Variants in CEP85L observed in about 807,000 individuals in gnomAD.
The protein encoded by CEP85L is centrosomal protein of 85 kDa-like.
CEP85L carries 60 observed loss-of-function variants against 100.3 expected under a neutral mutation model. That is an observed-to-expected ratio of 0.60 (90% CI 0.49 to 0.74). The LOEUF (loss-of-function observed/expected upper bound fraction) is 0.74. Ranked by LOEUF, CEP85L falls within the 30% of genes least tolerant of loss-of-function variation. The probability of loss-of-function intolerance (pLI) is 0.00; values close to 1 mark genes in which losing one functional copy is unlikely to be tolerated. For missense variants in CEP85L, 973 were observed against 936.2 expected (o/e 1.04, Z -0.51); for synonymous variants, 319 against 322.7 (o/e 0.99, Z 0.12).
At chr6:118,479,631 C>G (rs1210662000) in intron 10 of CEP85L, among the ~76,000 whole-genome samples, 1 of 151,990 alleles carries the variant, frequency 6.6e-6, no homozygotes, top group Non-Finnish European at 1.5e-5. Context: ...TCCAACTCAC[C>G]CCACTAGAGT....
chr6:118,548,622 T>C (rs945881516), intron 3 of CEP85L, among the ~76,000 whole-genome samples: 4 of 152,132 alleles, frequency 2.6e-5, no homozygotes, highest in Admixed American at 2.6e-4. Context: ...TCTTTGATCC[T>C]GGTTACTGGT....
intron 1 of CEP85L, among the ~76,000 whole-genome samples, chr6:118,707,190 C>CTTT (rs5879468): frequency 2.1e-4 from 28 of 135,850 alleles, no homozygotes; most frequent in Non-Finnish European, 1.7e-4. Flanking sequence ...TCCTCATCTG[C>CTTT]TTTTTTTTTT....
intron 5 of CEP85L, among the ~76,000 whole-genome samples, chr6:118,496,422 C>G (rs1774930639): frequency 7.3e-6 from 1 of 136,250 alleles, no homozygotes; most frequent in African/African-American, 2.8e-5. Context: ...ATGGCACGAT[C>G]TCGGCTCCTG....
chr6:118,599,544 T>G (rs979994815), intron 2 of CEP85L, among the ~76,000 whole-genome samples: 1 of 152,210 alleles, frequency 6.6e-6, no homozygotes, highest in African/African-American at 2.4e-5. Context: ...TAGAACTTAG[T>G]GCCTCTAACT....
chr6:118,682,645 T>C (rs546905734), intron 1 of CEP85L, among the ~76,000 whole-genome samples: 2 of 152,232 alleles, frequency 1.3e-5, no homozygotes, highest in Non-Finnish European at 2.9e-5. Context: ...GTTGTTCACA[T>C]TTTCTTGGTT....
At chr6:118,574,564 A>G (rs1163624889) in intron 2 of CEP85L, among the ~76,000 whole-genome samples, 1 of 152,170 alleles carries the variant, frequency 6.6e-6, no homozygotes, top group East Asian at 1.9e-4. Context: ...CACCTCTCAT[A>G]AGGAGACATG....
chr6:118,654,135 C>G (rs1775691675), upstream of CEP85L, among the ~76,000 whole-genome samples: 1 of 151,932 alleles, frequency 6.6e-6, no homozygotes, highest in Non-Finnish European at 1.5e-5. Context: ...TTAGAAGAGC[C>G]AGGTGCAGTC....
At chr6:118,576,698 G>A (rs1780255909) in intron 2 of CEP85L, among the ~76,000 whole-genome samples, 1 of 152,084 alleles carries the variant, frequency 6.6e-6, no homozygotes, top group South Asian at 2.1e-4. Flanking sequence ...TGGTCTCAGT[G>A]GGCAGTTTTA....
intron 1 of CEP85L, among the ~76,000 whole-genome samples, chr6:118,646,174 G>A (rs149000750): frequency 0.01 from 1,559 of 151,776 alleles, 8 homozygotes; most frequent in Middle Eastern, 0.029. Flanking sequence ...CCGAGATTGC[G>A]CCATTGCACT....
chr6:118,577,350 ACT>A (rs781169888), intron 2 of CEP85L, among the ~76,000 whole-genome samples: 2 of 152,036 alleles, frequency 1.3e-5, no homozygotes, highest in East Asian at 3.9e-4. Context: ...AATCCCTTTC[ACT>A]CTGGCATTTC....
Position 118,480,420 on chromosome 6 carries a change from T to C in CEP85L, c.1839A>G (p.Arg613=), listed in dbSNP as rs1773691277. 6.2e-7 allele frequency: 1 copy of C among 1,609,658 alleles called. No homozygotes were observed. The highest frequency in any genetic ancestry group is 8.5e-7 in the Non-Finnish European group (1 of 1,176,650). The stretch of plus-strand genomic sequence containing the variant: ...CCTTACTAGCAGTCTCATTTTGTTG[T>C]CTGAGATTATCATTTTCATTCTGAA... The part of the protein sequence containing the change: ...KQLQNENDNL[R]QQNETASKII... The change falls in exon 9 of 13, where the codon AGA becomes AGG. Residue 613 remains arginine (R), a synonymous_variant. Coordinates refer to ENST00000368491, the MANE Select transcript of CEP85L (RefSeq NM_001042475.3).
intron 2 of CEP85L, among the ~76,000 whole-genome samples, chr6:118,599,249 G>A (rs913437400): frequency 2.6e-5 from 4 of 152,140 alleles, no homozygotes; most frequent in Admixed American, 6.5e-5. Context: ...TGAACATGGA[G>A]CATTTTGTGG....
intron 2 of CEP85L, among the ~76,000 whole-genome samples, chr6:118,573,817 T>C (rs1780054634): frequency 1.3e-5 from 2 of 152,186 alleles, no homozygotes; most frequent in African/African-American, 4.8e-5. Context: ...CCCTATTTCA[T>C]AGCACCCATG....
chr6:118,651,667 C>T (rs1775574271), upstream of CEP85L: 1 of 752,660 alleles, frequency 1.3e-6, no homozygotes, highest in Non-Finnish European at 1.6e-6. Context: ...TGACTTCAGG[C>T]GTGCGCGGCG....
intron 3 of CEP85L, among the ~76,000 whole-genome samples, chr6:118,557,611 G>A (rs1025671346): frequency 2.0e-5 from 3 of 152,184 alleles, no homozygotes; most frequent in Admixed American, 6.5e-5. Context: ...CTGTGATGGA[G>A]TGGCCTCCTA....
At chr6:118,469,396 A>C in intron 11 of CEP85L, 93 bp from the exon 12 acceptor site, 1 of 936,218 alleles carries the variant, frequency 1.1e-6, no homozygotes, top group Non-Finnish European at 1.7e-6. Context: ...AAGTCTATAA[A>C]CAAAACGATG....
intron 2 of CEP85L, among the ~76,000 whole-genome samples, chr6:118,599,674 TAAAC>T (rs1335357594): frequency 3.9e-5 from 6 of 152,170 alleles, no homozygotes; most frequent in African/African-American, 9.7e-5. Context: ...AAACATATCT[TAAAC>T]AAGCGACCAA....
intron 3 of CEP85L, among the ~76,000 whole-genome samples, chr6:118,552,815 T>C (rs1469389143): frequency 6.6e-6 from 1 of 152,056 alleles, no homozygotes; most frequent in African/African-American, 2.4e-5. Flanking sequence ...CATAAGATAC[T>C]CTGTGGATAC....
At chr6:118,511,728 TAAAG>T (rs987463375) in intron 4 of CEP85L, among the ~76,000 whole-genome samples, 5 of 152,122 alleles carry the variant, frequency 3.3e-5, no homozygotes, top group South Asian at 2.1e-4. Context: ...TAAAGAATAA[TAAAG>T]ATAGTATGAG....
Sources: allele counts gnomAD v4.1 joint callset (sites outside exome capture counted in the v4.1 genomes callset), GRCh38; gene constraint gnomAD v4.1.1; transcripts MANE v1.5; gene names NCBI Gene and HGNC (gene_info 2026-07-23, HGNC 2026-07-21).